Variants in HPSE2 observed in about 807,000 individuals in gnomAD.
The protein encoded by HPSE2 is inactive heparanase-2.
Under a neutral mutation model 60.5 loss-of-function variants are expected in HPSE2, and 38 were observed. That is an observed-to-expected ratio of 0.63 (90% CI 0.48 to 0.82). The LOEUF (loss-of-function observed/expected upper bound fraction) is 0.82. HPSE2 is among the 40% of genes least tolerant of loss of function. HPSE2 has a pLI of 0.00. For synonymous variants in HPSE2, 295 were observed against 293.2 expected, an observed-to-expected ratio of 1.01 and a Z score of -0.06; for missense variants, 713 against 740.4, an observed-to-expected ratio of 0.96 and a Z score of 0.43.
At chr10:98,906,937 C>T (rs565107936) in intron 3 of HPSE2, among the ~76,000 whole-genome samples, 2 of 151,924 alleles carry the variant, frequency 1.3e-5, no homozygotes, top group East Asian at 1.9e-4. Flanking sequence ...AGTAGACCAA[C>T]TTAGTAATGA....
intron 4 of HPSE2, among the ~76,000 whole-genome samples, chr10:98,723,393 A>G (rs1254708630): frequency 6.6e-6 from 1 of 152,116 alleles, no homozygotes; most frequent in Non-Finnish European, 1.5e-5. Flanking sequence ...TTTTTGCATC[A>G]ATGTTCATCA....
intron 2 of HPSE2, among the ~76,000 whole-genome samples, chr10:99,164,298 ATTT>A (rs1846978349): frequency 9.1e-6 from 1 of 109,920 alleles, no homozygotes; most frequent in Non-Finnish European, 1.8e-5. Flanking sequence ...TATGAATGTT[ATTT>A]TATTAAGCCA....
At chr10:99,092,953 G>T (rs1843567713) in intron 3 of HPSE2, among the ~76,000 whole-genome samples, 1 of 152,154 alleles carries the variant, frequency 6.6e-6, no homozygotes, top group South Asian at 2.1e-4. Context: ...ATTGCTGGCT[G>T]GGCACAGTGG....
chr10:98,850,121 A>G (rs891317300), intron 3 of HPSE2, among the ~76,000 whole-genome samples: 1 of 152,166 alleles, frequency 6.6e-6, no homozygotes, highest in African/African-American at 2.4e-5. Flanking sequence ...AAAAAGGTAA[A>G]TTCAATACAG....
At chr10:99,083,576 A>G (rs1843216492) in intron 3 of HPSE2, among the ~76,000 whole-genome samples, 1 of 152,164 alleles carries the variant, frequency 6.6e-6, no homozygotes, top group Non-Finnish European at 1.5e-5. Context: ...GCTTCTAAAT[A>G]TTTTACTTCC....
intron 3 of HPSE2, among the ~76,000 whole-genome samples, chr10:98,893,846 G>A (rs1335324739): frequency 1.3e-5 from 2 of 151,152 alleles, no homozygotes; most frequent in Non-Finnish European, 2.9e-5. Flanking sequence ...GTCAGACAGA[G>A]GATCCCTATA....
At chr10:98,709,142 G>A (rs1815510353) in intron 5 of HPSE2, among the ~76,000 whole-genome samples, 1 of 152,134 alleles carries the variant, frequency 6.6e-6, no homozygotes, top group South Asian at 2.1e-4. Flanking sequence ...AGTTCTGCCT[G>A]TTTCTCGGAA....
chr10:98,700,383 A>G (rs1378924855), intron 5 of HPSE2, among the ~76,000 whole-genome samples: 2 of 138,804 alleles, frequency 1.4e-5, no homozygotes, highest in African/African-American at 5.0e-5. Context: ...GAGAAAAACA[A>G]GCAATGGGGA....
intron 9 of HPSE2, among the ~76,000 whole-genome samples, chr10:98,601,228 CAA>C (rs1490598790): frequency 6.6e-6 from 1 of 152,010 alleles, no homozygotes; most frequent in Non-Finnish European, 1.5e-5. Flanking sequence ...CTGCTTTACT[CAA>C]AGTCTATTAA....
intron 3 of HPSE2, among the ~76,000 whole-genome samples, chr10:98,986,614 C>T (rs1417323686): frequency 2.7e-5 from 4 of 147,662 alleles, no homozygotes; most frequent in Non-Finnish European, 6.0e-5. Flanking sequence ...CATTCAAAAG[C>T]TAGCAGAAGG....
At chr10:98,527,164 C>G (rs1268284032) in intron 9 of HPSE2, among the ~76,000 whole-genome samples, 1 of 152,074 alleles carries the variant, frequency 6.6e-6, no homozygotes, top group Admixed American at 6.6e-5. Context: ...TTGCCATTAC[C>G]TTAGTTGAGC....
At chr10:98,792,640 CAA>C (rs60889251) in intron 3 of HPSE2, among the ~76,000 whole-genome samples, 18,724 of 139,658 alleles carry the variant, frequency 0.13, 1,399 homozygotes, top group African/African-American at 0.21. Context: ...CAAATTCCTA[CAA>C]AAAAAAAAAA....
chr10:99,045,234 T>C (rs1957828679), intron 3 of HPSE2, among the ~76,000 whole-genome samples: 1 of 152,114 alleles, frequency 6.6e-6, no homozygotes, highest in African/African-American at 2.4e-5. Flanking sequence ...CATGGAAATT[T>C]AACAATTTGC....
intron 3 of HPSE2, among the ~76,000 whole-genome samples, chr10:98,833,573 A>T (rs538943215): frequency 4.4e-4 from 67 of 152,326 alleles, no homozygotes; most frequent in African/African-American, 1.5e-3. Context: ...AATACTTAAC[A>T]TAATCCTATA....
At chr10:99,100,990 A>G (rs1005605037) in intron 3 of HPSE2, among the ~76,000 whole-genome samples, 4 of 152,228 alleles carry the variant, frequency 2.6e-5, no homozygotes, top group Non-Finnish European at 4.4e-5. Context: ...TGAAGGAAGC[A>G]CTAAACATGG....
intron 3 of HPSE2, among the ~76,000 whole-genome samples, chr10:98,857,284 CAGG>C (rs1952341404): frequency 6.6e-6 from 1 of 152,114 alleles, no homozygotes; most frequent in South Asian, 2.1e-4. Flanking sequence ...CACAGATAGA[CAGG>C]AGTTCTTATC....
chr10:99,291,134 A>G, the HPSE2 span, among the ~76,000 whole-genome samples: 3 of 152,184 alleles, frequency 2.0e-5, no homozygotes, highest in Non-Finnish European at 4.4e-5. Flanking sequence ...GTAGGAGTAA[A>G]GGGTAAAAGA....
intron 5 of HPSE2, among the ~76,000 whole-genome samples, chr10:98,699,292 C>A (rs1948332068): frequency 6.6e-6 from 1 of 151,572 alleles, no homozygotes; most frequent in African/African-American, 2.4e-5. Flanking sequence ...GCTTATCCAC[C>A]ATAATCAAGT....
the HPSE2 span, among the ~76,000 whole-genome samples, chr10:99,312,268 T>C: frequency 1.2e-4 from 18 of 152,354 alleles, no homozygotes; most frequent in Admixed American, 3.9e-4. Context: ...CAGCCTTCTC[T>C]TGGAACCAGA....
Sources: allele counts gnomAD v4.1 joint callset (sites outside exome capture counted in the v4.1 genomes callset), GRCh38; gene constraint gnomAD v4.1.1; transcripts MANE v1.5; gene names NCBI Gene and HGNC (gene_info 2026-07-23, HGNC 2026-07-21).